Variants in NCKAP5 observed in about 807,000 individuals in gnomAD.
NCKAP5 encodes the protein NCK associated protein 5.
NCKAP5 carries 92 observed loss-of-function variants against 167.0 expected under a neutral mutation model. The observed-to-expected ratio is 0.55, with a 90% CI of 0.47 to 0.66. The LOEUF (loss-of-function observed/expected upper bound fraction) is 0.66, where lower values mean the gene tolerates loss of function less well. Among genes scored for constraint, NCKAP5 ranks in the 30% least tolerant of loss-of-function variants. The pLI is 0.00. For synonymous variants in NCKAP5, 891 were observed against 877.4 expected (o/e 1.02, Z -0.27); for missense variants, 2,378 against 2,315.0 (o/e 1.03, Z -0.56).
chr2:133,581,175 C>T, the NCKAP5 span, among the ~76,000 whole-genome samples: 1 of 152,088 alleles, frequency 6.6e-6, no homozygotes, highest in African/African-American at 2.4e-5. Context: ...TCCAACTCTA[C>T]AATATGAGTT....
chr2:132,736,954 T>A (rs1691582710), intron 16 of NCKAP5, among the ~76,000 whole-genome samples: 2 of 152,204 alleles, frequency 1.3e-5, no homozygotes, highest in Admixed American at 1.3e-4. Context: ...CAATTACATC[T>A]CTGATTCTGG....
intron 4 of NCKAP5, among the ~76,000 whole-genome samples, chr2:133,251,753 A>T (rs911968057): frequency 2.0e-5 from 3 of 152,128 alleles, no homozygotes; most frequent in African/African-American, 7.3e-5. Flanking sequence ...AAATAAAAAG[A>T]AAAAGAAAAT....
intron 6 of NCKAP5, among the ~76,000 whole-genome samples, chr2:133,001,943 G>T (rs576591135): frequency 6.6e-6 from 1 of 152,284 alleles, no homozygotes; most frequent in Non-Finnish European, 1.5e-5. Flanking sequence ...ATGAAGTGTA[G>T]GCGTCGTATT....
At chr2:133,661,089 G>A in the NCKAP5 span, among the ~76,000 whole-genome samples, 40 of 151,986 alleles carry the variant, frequency 2.6e-4, no homozygotes, top group African/African-American at 9.4e-4. Flanking sequence ...GACTGTTCTC[G>A]GGGTGCACTT....
At chr2:132,920,337 C>A (rs1484295609) in intron 8 of NCKAP5, among the ~76,000 whole-genome samples, 1 of 152,064 alleles carries the variant, frequency 6.6e-6, no homozygotes, top group Non-Finnish European at 1.5e-5. Flanking sequence ...AGAGGAGGAG[C>A]TGTTTGCTCA....
intron 4 of NCKAP5, among the ~76,000 whole-genome samples, chr2:133,287,284 G>C (rs1038351459): frequency 2.6e-5 from 4 of 152,170 alleles, no homozygotes; most frequent in African/African-American, 9.6e-5. Context: ...TTGGATTGTA[G>C]TGTCTGTAAC....
chr2:133,495,429 C>T (rs775848306), intron 3 of NCKAP5, among the ~76,000 whole-genome samples: 4 of 152,088 alleles, frequency 2.6e-5, no homozygotes, highest in Non-Finnish European at 5.9e-5. Context: ...AACACACTGA[C>T]GCTTAGTGCA....
At chr2:132,852,315 A>G (rs1689139396) in intron 11 of NCKAP5, among the ~76,000 whole-genome samples, 1 of 152,186 alleles carries the variant, frequency 6.6e-6, no homozygotes, top group Non-Finnish European at 1.5e-5. Context: ...TTACACTTCA[A>G]TCACTTAGTC....
At chr2:133,638,851 C>T in the NCKAP5 span, among the ~76,000 whole-genome samples, 1 of 118,458 alleles carries the variant, frequency 8.4e-6, no homozygotes, top group Admixed American at 8.2e-5. Context: ...GAGTGAGACT[C>T]TATCTCAAAA....
chr2:133,280,398 G>GTTTATTTA (rs562780851), intron 4 of NCKAP5, among the ~76,000 whole-genome samples: 9 of 152,108 alleles, frequency 5.9e-5, no homozygotes, highest in African/African-American at 2.2e-4. Flanking sequence ...CTGTTCGTTT[G>GTTTATTTA]TTTATTTATT....
chr2:133,337,206 C>A (rs1170358357), intron 3 of NCKAP5, among the ~76,000 whole-genome samples: 2 of 152,138 alleles, frequency 1.3e-5, no homozygotes, highest in Non-Finnish European at 2.9e-5. Context: ...CTCAACATAC[C>A]TGGGTTTAAA....
intron 16 of NCKAP5, among the ~76,000 whole-genome samples, chr2:132,772,165 A>G (rs1342307438): frequency 6.6e-6 from 1 of 152,072 alleles, no homozygotes; most frequent in Non-Finnish European, 1.5e-5. Flanking sequence ...AGTAGGCTAT[A>G]CCATCTAGGT....
chr2:133,019,421 G>A lies in NCKAP5; in HGVS notation c.342-25182C>T, dbSNP rs558553379. Among the ~76,000 whole-genome samples the A allele has an allele frequency of 2.0e-5, 3 of 152,208 alleles. No individual in the cohort carries two copies. In the East Asian group the frequency reaches 5.8e-4, roughly 29 times the overall value. On this transcript the variant is annotated intron_variant, in intron 6 of 19. Coordinates refer to ENST00000409261, the MANE Select transcript of NCKAP5 (RefSeq NM_207363.3). ...AAGGAAAAGTGGGGAATGATAAAAT[G>A]GAAGCAAACTTCACCTGCTTTGAAT...
intron 5 of NCKAP5, among the ~76,000 whole-genome samples, chr2:133,185,045 T>A (rs936963343): frequency 2.0e-5 from 3 of 152,172 alleles, no homozygotes; most frequent in Admixed American, 6.6e-5. Flanking sequence ...TAGACCACTA[T>A]CTACAAGAGT....
the NCKAP5 span, among the ~76,000 whole-genome samples, chr2:133,671,167 A>T: frequency 2.8e-5 from 4 of 144,808 alleles, no homozygotes; most frequent in Non-Finnish European, 3.0e-5. Context: ...GCGAGCCAAG[A>T]TCGTGCCATT....
At chr2:133,637,490 A>AC in the NCKAP5 span, among the ~76,000 whole-genome samples, 1 of 149,412 alleles carries the variant, frequency 6.7e-6, no homozygotes, top group Non-Finnish European at 1.5e-5. Flanking sequence ...AAAAAAAAAA[A>AC]AAAAAAAAAA....
At chr2:133,054,639 G>A (rs1002534581) in intron 6 of NCKAP5, among the ~76,000 whole-genome samples, 13 of 152,150 alleles carry the variant, frequency 8.5e-5, no homozygotes, top group Non-Finnish European at 2.9e-5. Flanking sequence ...TAATCTACTG[G>A]TGACGAAGAG....
intron 3 of NCKAP5, among the ~76,000 whole-genome samples, chr2:133,449,061 C>T (rs897336049): frequency 6.6e-6 from 1 of 152,284 alleles, no homozygotes; most frequent in East Asian, 1.9e-4. Flanking sequence ...CACTTCCAAG[C>T]TTTTTGTATA....
In NCKAP5 at chr2:133,106,152, G is replaced by A. The variant is rs1206356265; in HGVS notation, c.341+23826C>T. On this transcript the variant is annotated intron_variant, in intron 6 of 19. Coordinates refer to ENST00000409261, the MANE Select transcript of NCKAP5 (RefSeq NM_207363.3). ...ACTAAAAATACAAAAAATTAGCCAGGAGTGGTGGCAGGCGCCTGTAGTCCC... is the reference window on the plus strand; with the variant it reads ...ACTAAAAATACAAAAAATTAGCCAGAAGTGGTGGCAGGCGCCTGTAGTCCC... Among the ~76,000 whole-genome samples, 13 of 148,240 alleles carry A rather than the reference G, an allele frequency of 8.8e-5. 1 individual carries two copies. In the Admixed American group the frequency reaches 8.9e-4, roughly 10 times the overall value.
Sources: allele counts gnomAD v4.1 joint callset (sites outside exome capture counted in the v4.1 genomes callset), GRCh38; gene constraint gnomAD v4.1.1; transcripts MANE v1.5; gene names NCBI Gene and HGNC (gene_info 2026-07-23, HGNC 2026-07-21).